Variants in TMEM169 observed in about 807,000 individuals in gnomAD.
TMEM169 encodes the protein transmembrane protein 169.
A neutral mutation model predicts 27.3 loss-of-function variants in TMEM169; 18 were observed. The ratio of observed to expected loss-of-function variants is 0.66; its 90% confidence interval spans 0.46 to 0.98. The LOEUF (loss-of-function observed/expected upper bound fraction) is 0.98. TMEM169 is among the 50% of genes least tolerant of loss of function. TMEM169 has a pLI of 0.00. For synonymous variants in TMEM169, 136 were observed against 142.1 expected (o/e 0.96, Z 0.30); for missense variants, 320 against 368.6 (o/e 0.87, Z 1.08).
In TMEM169 at chr2:216,100,881, G is replaced by C. The variant is rs1280156765; in HGVS notation, c.*339G>C. The C allele has an allele frequency of 1.2e-5, 4 of 341,564 alleles. No individual in the cohort carries two copies. Among genetic ancestry groups the C allele is most frequent in the Non-Finnish European group, 1.6e-5 (3 of 182,082 alleles). The allele number at this position is 341,564 out of a possible 1,614,324, so 21.2% of individuals were successfully genotyped here. On this transcript the variant is annotated 3_prime_UTR_variant, in exon 3 of 3. Transcript: ENST00000437356. The stretch of plus-strand genomic sequence containing the variant: ...GGGGAGTATGTGACTAAATGTGTCA[G>C]GGAGAATAAAGAACCTCGGGGTAAC...
At chr2:216,086,040 A>G (rs956836118) in intron 1 of TMEM169, among the ~76,000 whole-genome samples, 1 of 152,072 alleles carries the variant, frequency 6.6e-6, no homozygotes, top group Non-Finnish European at 1.5e-5. Context: ...ATTGAAGCTA[A>G]CACTCTGTAA....
chr2:216,091,863 T>C (rs1574433268), intron 1 of TMEM169, among the ~76,000 whole-genome samples: 1 of 152,314 alleles, frequency 6.6e-6, no homozygotes, highest in East Asian at 1.9e-4. Flanking sequence ...GACTACAAAA[T>C]AACCCATCTT....
intron 1 of TMEM169, among the ~76,000 whole-genome samples, chr2:216,091,556 C>CAAAA (rs35975278): frequency 2.6e-4 from 21 of 80,286 alleles, no homozygotes; most frequent in African/African-American, 3.5e-4. Flanking sequence ...GACTCCATCT[C>CAAAA]AAAAAAAAAA....
intron 1 of TMEM169, among the ~76,000 whole-genome samples, chr2:216,090,998 C>A (rs1696107500): frequency 6.6e-6 from 1 of 152,204 alleles, no homozygotes; most frequent in Non-Finnish European, 1.5e-5. Context: ...TGAAAGCCAT[C>A]ATCAGAGTGC....
intron 1 of TMEM169, among the ~76,000 whole-genome samples, chr2:216,091,390 C>T (rs1696118813): frequency 6.6e-6 from 1 of 152,024 alleles, no homozygotes; most frequent in Non-Finnish European, 1.5e-5. Flanking sequence ...AACCCCATCT[C>T]TACTAAAAAT....
chr2:216,093,438 G>A (rs756627482), intron 1 of TMEM169, among the ~76,000 whole-genome samples: 1 of 152,080 alleles, frequency 6.6e-6, no homozygotes, highest in Non-Finnish European at 1.5e-5. Flanking sequence ...GGTCCAGAAA[G>A]CTCCATGGAT....
rs560415879 is a variant in TMEM169 at position 216,099,061 on chromosome 2, G to A, written c.272-859G>A. ...TATGCTGTGTGTATGTGTGGTGTGTGTGATGTGTATGTGTGTGTGTGGTGT... is the reference window on the plus strand; with the variant it reads ...TATGCTGTGTGTATGTGTGGTGTGTATGATGTGTATGTGTGTGTGTGGTGT... On this transcript the variant is annotated intron_variant, in intron 2 of 2. Coordinates refer to ENST00000437356, the MANE Select transcript of TMEM169 (RefSeq NM_001142311.2). This position sits in a 1 kb window ranked among gnomAD's most constrained non-coding sequence, Gnocchi z 5.0. 6.7e-6 allele frequency among the ~76,000 whole-genome samples: 1 copy of A among 149,362 alleles called. No homozygotes were observed. The highest frequency in any genetic ancestry group is 2.5e-5 in the African/African-American group (1 of 40,354).
chr2:216,085,489 C>T (rs1023447599), intron 1 of TMEM169, among the ~76,000 whole-genome samples: 4 of 152,140 alleles, frequency 2.6e-5, no homozygotes, highest in Admixed American at 2.6e-4. Flanking sequence ...AAGATAGGAG[C>T]ATTTTTTTTA....
intron 1 of TMEM169, among the ~76,000 whole-genome samples, chr2:216,087,554 TA>T (rs1227842555): frequency 2.0e-5 from 3 of 152,216 alleles, no homozygotes; most frequent in African/African-American, 4.8e-5. Flanking sequence ...TCTAGAAGTT[TA>T]TAGATCTTTG....
rs1487686216 is a variant in TMEM169 at position 216,100,177 on chromosome 2, G to GT, written c.531dup (p.Val178CysfsTer18). ...GCCTGTGGTTTTCATCCTTTCTTTT[G>GT]TTGTCTCTTTCTACTACGGCACTAT... is the stretch of plus-strand genomic sequence containing the variant. On this transcript the variant is annotated frameshift_variant, in exon 3 of 3. Coordinates refer to ENST00000437356, the MANE Select transcript of TMEM169 (RefSeq NM_001142311.2). LOFTEE classifies it high-confidence loss of function. The GT allele has an allele frequency of 5.0e-6, 8 of 1,613,848 alleles. No individual in the cohort carries two copies. The highest frequency in any genetic ancestry group is 6.8e-6 in the Non-Finnish European group (8 of 1,180,024).
intron 1 of TMEM169, among the ~76,000 whole-genome samples, chr2:216,086,848 T>C (rs1174783179): frequency 6.6e-6 from 1 of 152,236 alleles, no homozygotes; most frequent in Admixed American, 6.5e-5. Context: ...AAATGCTGCA[T>C]AATTAAGTAT....
chr2:216,094,343 T>A (rs1388596820), intron 1 of TMEM169, among the ~76,000 whole-genome samples: 1 of 152,220 alleles, frequency 6.6e-6, no homozygotes, highest in African/African-American at 2.4e-5. Context: ...TAAATGCCAA[T>A]AATATTGCAT....
chr2:216,097,310 C>G (rs2105987543), intron 2 of TMEM169, among the ~76,000 whole-genome samples: 1 of 152,120 alleles, frequency 6.6e-6, no homozygotes, highest in Middle Eastern at 3.4e-3. Flanking sequence ...CCAAGGCAGG[C>G]AGATCACGTG....
In TMEM169 at chr2:216,099,854, G is replaced by C; in HGVS notation, c.272-66G>C. ...CTTGTCCTCATGCCCAGCCTGGGAGGGTGCAACATGGAGATGCAATGCCCA... is the reference window on the plus strand; with the variant it reads ...CTTGTCCTCATGCCCAGCCTGGGAGCGTGCAACATGGAGATGCAATGCCCA... On this transcript the variant is annotated intron_variant, in intron 2 of 2. Coordinates refer to ENST00000437356, the MANE Select transcript of TMEM169 (RefSeq NM_001142311.2). This position sits in a 1 kb window ranked among gnomAD's most constrained non-coding sequence, Gnocchi z 5.0. 6.5e-7 allele frequency: 1 copy of C among 1,549,986 alleles called. No individual in the cohort carries two copies.
At chr2:216,088,806 T>TCCCTTTCTCCTTTCCTTTC (rs1696065729) in intron 1 of TMEM169, among the ~76,000 whole-genome samples, 1 of 152,240 alleles carries the variant, frequency 6.6e-6, no homozygotes, top group Non-Finnish European at 1.5e-5. Context: ...TCCTTCTTTA[T>TCCCTTTCTCCTTTCCTTTC]CCCTTTCTCC....
intron 1 of TMEM169, among the ~76,000 whole-genome samples, chr2:216,089,762 T>C (rs1332325736): frequency 1.3e-5 from 2 of 152,204 alleles, no homozygotes; most frequent in Non-Finnish European, 2.9e-5. Context: ...CCTTGACTTC[T>C]TCTAAATCTT....
At chr2:216,083,757 G>A (rs1402333029) in intron 1 of TMEM169, among the ~76,000 whole-genome samples, 1 of 152,192 alleles carries the variant, frequency 6.6e-6, no homozygotes, top group African/African-American at 2.4e-5. Flanking sequence ...GGCAGAACCT[G>A]CAATTAAGAG....
At chr2:216,088,788 G>A (rs1014058712) in intron 1 of TMEM169, among the ~76,000 whole-genome samples, 3 of 152,292 alleles carry the variant, frequency 2.0e-5, no homozygotes, top group East Asian at 3.9e-4. Context: ...CATAAATGTT[G>A]TGGTGTTTCC....
Position 216,100,165 on chromosome 2 carries a change from A to T in TMEM169, c.517A>T (p.Ile173Phe). 3.7e-6 allele frequency: 6 copies of T among 1,613,864 alleles called. No homozygotes were observed. The highest frequency in any genetic ancestry group is 5.1e-6 in the Non-Finnish European group (6 of 1,179,998). Residue 173 changes from isoleucine (I) to phenylalanine (F), a missense_variant, in exon 3 of 3, where the codon ATC becomes TTC. Ile to Phe is a conservative substitution (Grantham distance 21). Coordinates refer to ENST00000437356, the MANE Select transcript of TMEM169 (RefSeq NM_001142311.2). ...GCTGATCTGCCTGCCTGTGGTTTTC[A>T]TCCTTTCTTTTGTTGTCTCTTTCTA... ...WTLICLPVVF[I>F]LSFVVSFYYG...
Sources: allele counts gnomAD v4.1 joint callset (sites outside exome capture counted in the v4.1 genomes callset), GRCh38; gene constraint gnomAD v4.1.1; non-coding constraint Gnocchi (gnomAD v3.1); transcripts MANE v1.5; gene names NCBI Gene and HGNC (gene_info 2026-07-23, HGNC 2026-07-21).